The following PTPRR variants were observed in gnomAD, a reference collection of about 807,000 sequenced individuals.
PTPRR encodes the protein receptor-type tyrosine-protein phosphatase R.
Under a neutral mutation model 77.2 loss-of-function variants are expected in PTPRR, and 38 were observed. The observed-to-expected ratio is 0.49, with a 90% CI of 0.38 to 0.65. The LOEUF is 0.65. Ranked by LOEUF, PTPRR falls within the 30% of genes least tolerant of loss-of-function variation. The pLI, the probability that PTPRR is intolerant of heterozygous loss-of-function variation, is 0.00. For missense variants in PTPRR, 744 were observed against 799.2 expected (o/e 0.93, Z 0.83); for synonymous variants, 299 against 283.1 (o/e 1.06, Z -0.57).
chr12:70,701,245 T>C lies in PTPRR; in HGVS notation c.1086A>G (p.Pro362=). ...GATACTCCATTGCTACCTTCTCCCG[T>C]GGTGTTGGTATAGACACAAAGGGTT... ...NIEPFVSIPT[P]REKVAMEYLQ... is the part of the protein sequence containing the mutation. Residue 362 remains proline (P), a synonymous_variant, in exon 7 of 14, where the codon CCA becomes CCG. Coordinates refer to ENST00000283228, the MANE Select transcript of PTPRR (RefSeq NM_002849.4). 1.9e-6 allele frequency: 3 copies of C among 1,613,970 alleles called. No homozygotes were observed. Among genetic ancestry groups the C allele is most frequent in the Non-Finnish European group, 2.5e-6 (3 of 1,179,942 alleles).
chr12:70,729,024 T>C (rs1051077749), intron 6 of PTPRR, among the ~76,000 whole-genome samples: 1 of 152,150 alleles, frequency 6.6e-6, no homozygotes, highest in Non-Finnish European at 1.5e-5. Context: ...GCCACTGCTT[T>C]CACATCAGAG....
chr12:70,809,550 A>G (rs986960134), intron 2 of PTPRR, among the ~76,000 whole-genome samples: 25 of 152,124 alleles, frequency 1.6e-4, no homozygotes, highest in Non-Finnish European at 2.2e-4. Context: ...ATTCCTCTTC[A>G]CTAAATTCTA....
chr12:70,832,837 A>T (rs1156968398), intron 2 of PTPRR, among the ~76,000 whole-genome samples: 2 of 152,124 alleles, frequency 1.3e-5, no homozygotes, highest in Non-Finnish European at 2.9e-5. Flanking sequence ...GAGTACTCAG[A>T]AAGCTTCTAC....
chr12:70,735,953 C>T (rs1285916218), intron 6 of PTPRR, among the ~76,000 whole-genome samples: 1 of 152,176 alleles, frequency 6.6e-6, no homozygotes, highest in Non-Finnish European at 1.5e-5. Context: ...CTCTGCTGTT[C>T]CTGCCACCTC....
At chr12:70,720,457 CTT>C (rs938788886) in intron 6 of PTPRR, among the ~76,000 whole-genome samples, 1 of 151,152 alleles carries the variant, frequency 6.6e-6, no homozygotes, top group African/African-American at 2.4e-5. Context: ...CTTACCAAGT[CTT>C]TTCCAGTTTT....
chr12:70,676,959 A>G (rs1887472133), intron 10 of PTPRR, among the ~76,000 whole-genome samples: 1 of 150,076 alleles, frequency 6.7e-6, no homozygotes, highest in Non-Finnish European at 1.5e-5. Flanking sequence ...GAAGAATGTT[A>G]TTGGTATTTT....
chr12:70,715,742 C>T (rs1287286117), intron 6 of PTPRR, among the ~76,000 whole-genome samples: 1 of 152,218 alleles, frequency 6.6e-6, no homozygotes, highest in East Asian at 1.9e-4. Flanking sequence ...TTAAGGTTCT[C>T]TGTCTTGTTC....
intron 6 of PTPRR, among the ~76,000 whole-genome samples, chr12:70,703,692 G>A (rs1235918696): frequency 6.6e-6 from 1 of 152,148 alleles, no homozygotes; most frequent in African/African-American, 2.4e-5. Flanking sequence ...AAGCTTTATA[G>A]ATATTTTAGT....
intron 2 of PTPRR, among the ~76,000 whole-genome samples, chr12:70,771,368 T>C (rs1890972760): frequency 6.6e-6 from 1 of 151,668 alleles, no homozygotes; most frequent in Non-Finnish European, 1.5e-5. Context: ...GACATAAAGA[T>C]GAGAGCAATG....
At chr12:70,846,801 A>G (rs1777500699) in intron 2 of PTPRR, among the ~76,000 whole-genome samples, 1 of 152,162 alleles carries the variant, frequency 6.6e-6, no homozygotes, top group South Asian at 2.1e-4. Context: ...ATCAAGTTTC[A>G]TTGCTTAAAA....
intron 4 of PTPRR, 31 bp from the exon 5 acceptor site, chr12:70,754,332 A>G: frequency 6.2e-7 from 1 of 1,610,842 alleles, no homozygotes; most frequent in Non-Finnish European, 8.5e-7. Context: ...GTCCGACGTT[A>G]AATGAGAGCT....
At chr12:70,674,101 T>C (rs958250036) in intron 10 of PTPRR, among the ~76,000 whole-genome samples, 5 of 152,020 alleles carry the variant, frequency 3.3e-5, no homozygotes, top group Admixed American at 2.0e-4. Flanking sequence ...CCCTGGCTAA[T>C]TTTTAAATTT....
At position 70,821,895 on chromosome 12, in the gene PTPRR, A is replaced by C. The variant is rs1373479234; in HGVS notation, c.358-57117T>G. Among the ~76,000 whole-genome samples the C allele has an allele frequency of 2.0e-5, 3 of 151,646 alleles. No individual in the cohort carries two copies. In the East Asian group the frequency reaches 5.9e-4, roughly 30 times the overall value. ...TAGCCAGGATGGTCTTGATCTCCTG[A>C]CCTCATGATCTGCCTGCCTCGGCCT... On this transcript the variant is annotated intron_variant, in intron 2 of 13. Coordinates refer to ENST00000283228, the MANE Select transcript of PTPRR (RefSeq NM_002849.4).
intron 1 of PTPRR, among the ~76,000 whole-genome samples, chr12:70,911,402 T>C (rs1001026137): frequency 1.3e-5 from 2 of 152,114 alleles, no homozygotes; most frequent in Admixed American, 1.3e-4. Flanking sequence ...CCTAGAGGGA[T>C]TAATTAGGAA....
intron 8 of PTPRR, among the ~76,000 whole-genome samples, chr12:70,696,040 T>C (rs1160160860): frequency 6.6e-6 from 1 of 152,196 alleles, no homozygotes; most frequent in Non-Finnish European, 1.5e-5. Flanking sequence ...ATTATGAAGA[T>C]TGCTATTTCA....
chr12:70,884,097 C>G (rs1160347131), intron 2 of PTPRR, among the ~76,000 whole-genome samples: 1 of 152,224 alleles, frequency 6.6e-6, no homozygotes. Flanking sequence ...AGCTTCTTAA[C>G]TTTGCCCAGG....
intron 2 of PTPRR, among the ~76,000 whole-genome samples, chr12:70,855,140 G>A (rs1393576218): frequency 2.6e-5 from 4 of 152,146 alleles, no homozygotes; most frequent in African/African-American, 9.7e-5. Context: ...TGTGGGCTAG[G>A]AGAATTCTTC....
intron 2 of PTPRR, among the ~76,000 whole-genome samples, chr12:70,809,853 A>C (rs1891778760): frequency 6.6e-6 from 1 of 152,198 alleles, no homozygotes; most frequent in South Asian, 2.1e-4. Context: ...TCGTACTTTT[A>C]AAAACGATAT....
chr12:70,761,370 A>T (rs1890687096), intron 4 of PTPRR, 101 bp downstream of exon 4: 3 of 1,117,764 alleles, frequency 2.7e-6, no homozygotes, highest in Non-Finnish European at 3.7e-6. Context: ...ATCAAATAAC[A>T]TACAATAAAC....
Sources: gnomAD v4.1 joint callset for allele counts (sites outside exome capture counted in the v4.1 genomes callset) on GRCh38, gnomAD v4.1.1 for gene constraint, MANE v1.5 for transcripts, NCBI Gene and HGNC (gene_info 2026-07-23, HGNC 2026-07-21) for gene names.